Variants in HDAC9 observed in about 807,000 individuals in gnomAD.
HDAC9 encodes the protein MEF-2 interacting transcription repressor (MITR) protein.
HDAC9 carries 41 observed loss-of-function variants against 139.4 expected under a neutral mutation model. The observed-to-expected ratio is 0.29, with a 90% confidence interval of 0.23 to 0.38. The LOEUF is 0.38. Among genes scored for constraint, HDAC9 ranks in the 10% least tolerant of loss-of-function variants. The pLI is 1.00. For synonymous variants in HDAC9, 517 were observed against 476.2 expected (o/e 1.09, Z -1.12); for missense variants, 1,147 against 1,297.0 (o/e 0.88, Z 1.78).
intron 17 of HDAC9, among the ~76,000 whole-genome samples, chr7:18,799,072 C>T (rs1044478667): frequency 1.3e-5 from 2 of 151,438 alleles, no homozygotes; most frequent in South Asian, 2.1e-4. Flanking sequence ...CACACACACA[C>T]ACACACACAC....
intron 2 of HDAC9, among the ~76,000 whole-genome samples, chr7:18,172,394 A>G (rs1788521520): frequency 6.6e-6 from 1 of 152,114 alleles, no homozygotes; most frequent in Non-Finnish European, 1.5e-5. Context: ...TCTTTTCAAA[A>G]AACCAGCTCC....
chr7:18,321,579 G>GTTGA (rs2067368), intron 1 of HDAC9, among the ~76,000 whole-genome samples: 136,117 of 151,998 alleles, frequency 0.9, 61,909 homozygotes, highest in East Asian at 1. Flanking sequence ...TGGGAAAGTG[G>GTTGA]TTTAGTTCAG....
At chr7:18,942,803 C>G (rs1441904119) in intron 23 of HDAC9, among the ~76,000 whole-genome samples, 2 of 151,884 alleles carry the variant, frequency 1.3e-5, no homozygotes, top group African/African-American at 2.4e-5. Flanking sequence ...TCAGCAAATA[C>G]TACAAATTAG....
intron 17 of HDAC9, among the ~76,000 whole-genome samples, chr7:18,802,672 A>T (rs1473522567): frequency 6.6e-6 from 1 of 151,792 alleles, no homozygotes; most frequent in African/African-American, 2.4e-5. Flanking sequence ...TGCTTTAGAT[A>T]TTTAAAAACT....
intron 1 of HDAC9, among the ~76,000 whole-genome samples, chr7:18,433,919 C>G (rs1790922387): frequency 4.6e-5 from 7 of 152,036 alleles, no homozygotes; most frequent in Admixed American, 3.3e-4. Context: ...GAAAAAAAAT[C>G]CTAAAAATCA....
At chr7:18,397,947 G>A (rs989572247) in intron 1 of HDAC9, among the ~76,000 whole-genome samples, 1 of 152,094 alleles carries the variant, frequency 6.6e-6, no homozygotes, top group African/African-American at 2.4e-5. Flanking sequence ...CCTAAGAAGC[G>A]GGAGCTGGCA....
At chr7:18,182,951 A>G (rs1432050100) in intron 2 of HDAC9, among the ~76,000 whole-genome samples, 1 of 152,190 alleles carries the variant, frequency 6.6e-6, no homozygotes, top group Admixed American at 6.5e-5. Flanking sequence ...ACTAAATGTC[A>G]CTGAAGCTTT....
At chr7:18,581,434 A>G (rs1446310407) in intron 2 of HDAC9, among the ~76,000 whole-genome samples, 1 of 152,180 alleles carries the variant, frequency 6.6e-6, no homozygotes, top group Non-Finnish European at 1.5e-5. Flanking sequence ...TAAGAAGTCA[A>G]ATTACCCTTT....
intron 8 of HDAC9, among the ~76,000 whole-genome samples, chr7:18,636,959 G>A (rs1200048632): frequency 6.6e-6 from 1 of 151,934 alleles, no homozygotes; most frequent in East Asian, 1.9e-4. Context: ...AACAGCAAAG[G>A]ATCTGGGTTC....
chr7:18,924,694 A>G (rs1464231020), intron 22 of HDAC9, among the ~76,000 whole-genome samples: 1 of 152,154 alleles, frequency 6.6e-6, no homozygotes, highest in African/African-American at 2.4e-5. Flanking sequence ...TTTGTGAAGA[A>G]TATACACATT....
At chr7:18,535,917 G>A (rs1378561423) in intron 2 of HDAC9, among the ~76,000 whole-genome samples, 1 of 152,092 alleles carries the variant, frequency 6.6e-6, no homozygotes, top group Non-Finnish European at 1.5e-5. Context: ...CCAGATGGTA[G>A]CCAAAGCAAC....
At chr7:18,713,751 A>G (rs1784508517) in intron 12 of HDAC9, among the ~76,000 whole-genome samples, 2 of 152,192 alleles carry the variant, frequency 1.3e-5, no homozygotes. Flanking sequence ...ACCATAGTAG[A>G]TGGTTAATGA....
chr7:18,307,573 C>T (rs1204413456), intron 1 of HDAC9, among the ~76,000 whole-genome samples: 2 of 152,204 alleles, frequency 1.3e-5, no homozygotes, highest in African/African-American at 2.4e-5. Context: ...GAGTGTGAGG[C>T]GGGCAGATCA....
intron 1 of HDAC9, among the ~76,000 whole-genome samples, chr7:18,391,381 TCCC>T (rs573338311): frequency 6.9e-6 from 1 of 144,156 alleles, no homozygotes; most frequent in African/African-American, 2.6e-5. Context: ...CGAGACGCCA[TCCC>T]CCCCCCAAAA....
chr7:18,991,243 A>C (rs912067968), intron 25 of HDAC9, among the ~76,000 whole-genome samples: 2 of 152,254 alleles, frequency 1.3e-5, no homozygotes, highest in African/African-American at 4.8e-5. Context: ...ATGAAAAAGA[A>C]AAATGAATGA....
intron 2 of HDAC9, among the ~76,000 whole-genome samples, chr7:18,274,629 A>AG (rs1429206076): frequency 6.6e-6 from 1 of 152,226 alleles, no homozygotes; most frequent in African/African-American, 2.4e-5. Flanking sequence ...AGCCATCAGT[A>AG]GGAAAATGGA....
chr7:18,842,490 C>T (rs1483835694), intron 21 of HDAC9, among the ~76,000 whole-genome samples: 4 of 152,000 alleles, frequency 2.6e-5, no homozygotes, highest in Non-Finnish European at 1.5e-5. Flanking sequence ...AAAAGCAATA[C>T]ATATGAATTT....
intron 17 of HDAC9, among the ~76,000 whole-genome samples, chr7:18,820,521 C>T (rs1476115481): frequency 6.6e-6 from 1 of 152,086 alleles, no homozygotes; most frequent in Non-Finnish European, 1.5e-5. Context: ...AGGTGTTGTG[C>T]TCCCAAGTCT....
At chr7:18,667,250 G>A in intron 12 of HDAC9, 1 of 985,204 alleles carries the variant, frequency 1.0e-6, no homozygotes, top group Non-Finnish European at 1.2e-6. Context: ...AAATGTTAGT[G>A]AGAAGTAATG....
Sources: gnomAD v4.1 joint callset for allele counts (sites outside exome capture counted in the v4.1 genomes callset) on GRCh38, gnomAD v4.1.1 for gene constraint, MANE v1.5 for transcripts, NCBI Gene and HGNC (gene_info 2026-07-23, HGNC 2026-07-21) for gene names.